Variants in NAV2 observed in about 807,000 individuals in gnomAD.
The protein encoded by NAV2 is neuron navigator 2.
Under a neutral mutation model 223.2 loss-of-function variants are expected in NAV2, and 54 were observed. The ratio of observed to expected loss-of-function variants is 0.24; its 90% CI spans 0.19 to 0.30. The LOEUF is 0.30. NAV2 is among the 10% of genes least tolerant of loss of function. NAV2 has a pLI of 1.00. For synonymous variants in NAV2, 1,279 were observed against 1,239.3 expected (o/e 1.03, Z -0.67); for missense variants, 2,806 against 3,147.5 (o/e 0.89, Z 2.60).
rs559313250 is a variant in NAV2 at position 19,475,115 on chromosome 11, C to T, written c.75+124088C>T. On this transcript the variant is annotated intron_variant, in intron 1 of 37. Transcript: ENST00000360655. ...GGTCTCTCCACTCCCTGGTCACAGC[C>T]TGCATCTGGGGAAAGCCGGAAGGCT... 3.9e-5 allele frequency among the ~76,000 whole-genome samples: 6 copies of T among 152,368 alleles called. No homozygotes were observed. In the East Asian group the frequency reaches 9.6e-4, roughly 24 times the overall value.
chr11:19,688,807 A>G (rs2049090701), intron 1 of NAV2, among the ~76,000 whole-genome samples: 1 of 152,306 alleles, frequency 6.6e-6, no homozygotes, highest in Middle Eastern at 3.4e-3. Flanking sequence ...AAGTGGGACT[A>G]TGAGTATAGG....
chr11:19,429,568 G>A (rs913335850), intron 1 of NAV2, among the ~76,000 whole-genome samples: 2 of 152,224 alleles, frequency 1.3e-5, no homozygotes, highest in African/African-American at 4.8e-5. Flanking sequence ...CATCTCTGCT[G>A]TTCTTCAAGT....
intron 37 of NAV2, among the ~76,000 whole-genome samples, chr11:20,117,831 C>T (rs909753051): frequency 3.3e-5 from 5 of 152,182 alleles, no homozygotes; most frequent in Non-Finnish European, 7.3e-5. Context: ...CAGTGCTCTA[C>T]GTATATTAAC....
chr11:19,713,562 T>C lies in NAV2; in HGVS notation c.-134T>C, dbSNP rs2050017111. ...TTCGAGTTCCCCGACCTGGGGATTT[T>C]TTTTTTAGCCGCTGGTGGTGGGCGC... is the stretch of plus-strand genomic sequence containing the variant. On this transcript the variant is annotated 5_prime_UTR_variant, in exon 1 of 38. Coordinates refer to ENST00000349880, the MANE Select transcript of NAV2 (RefSeq NM_145117.5). The surrounding 1 kb of genome is among the most constrained non-coding windows in gnomAD (Gnocchi z 7.2). 7.1e-7 allele frequency: 1 copy of C among 1,403,236 alleles called. No individual in the cohort carries two copies. The allele number at this position is 1,403,236 out of a possible 1,614,324, so 86.9% of individuals were successfully genotyped here. A position where few individuals can be genotyped will look rare whatever the true frequency, so the allele number is the denominator to read the frequency against.
intron 14 of NAV2, among the ~76,000 whole-genome samples, chr11:20,048,138 A>G (rs2057635657): frequency 6.6e-6 from 1 of 152,206 alleles, no homozygotes; most frequent in Non-Finnish European, 1.5e-5. Flanking sequence ...GTCACTGGAT[A>G]AGTAAGCTCT....
intron 1 of NAV2, among the ~76,000 whole-genome samples, chr11:19,622,258 GAT>G (rs1290526490): frequency 2.6e-5 from 4 of 152,216 alleles, no homozygotes; most frequent in Non-Finnish European, 5.9e-5. Flanking sequence ...GAGTTCTGTA[GAT>G]GTCTATTAGG....
chr11:19,576,736 C>T (rs1257424902), intron 1 of NAV2, among the ~76,000 whole-genome samples: 2 of 152,190 alleles, frequency 1.3e-5, no homozygotes, highest in African/African-American at 2.4e-5. Flanking sequence ...TAACATATAT[C>T]TGTTTCCCTC....
chr11:19,449,177 T>C (rs1398684820), intron 1 of NAV2, among the ~76,000 whole-genome samples: 1 of 152,028 alleles, frequency 6.6e-6, no homozygotes, highest in African/African-American at 2.4e-5. Flanking sequence ...TTGGGGAGCA[T>C]GACCCAGCTG....
chr11:19,390,129 G>A (rs1018714080), intron 1 of NAV2, among the ~76,000 whole-genome samples: 4 of 152,206 alleles, frequency 2.6e-5, no homozygotes, highest in African/African-American at 7.2e-5. Flanking sequence ...CTGGGGCGCA[G>A]TGTCCATTCC....
chr11:19,564,050 G>A (rs1043894623), intron 1 of NAV2, among the ~76,000 whole-genome samples: 1 of 152,168 alleles, frequency 6.6e-6, no homozygotes, highest in Non-Finnish European at 1.5e-5. Flanking sequence ...TCACATGGAG[G>A]CCAGCTGCAG....
chr11:19,929,589 T>C (rs1324678118), intron 6 of NAV2, among the ~76,000 whole-genome samples: 1 of 152,194 alleles, frequency 6.6e-6, no homozygotes, highest in African/African-American at 2.4e-5. Context: ...CATGACTTAA[T>C]AACCAGGGGA....
chr11:19,789,471 G>A (rs1439419441), intron 1 of NAV2, among the ~76,000 whole-genome samples: 3 of 152,146 alleles, frequency 2.0e-5, no homozygotes, highest in African/African-American at 7.2e-5. Context: ...GTTATTGTTA[G>A]CTTATAGAAG....
intron 31 of NAV2, among the ~76,000 whole-genome samples, chr11:20,100,655 C>G (rs1407578168): frequency 2.0e-5 from 3 of 151,394 alleles, no homozygotes; most frequent in East Asian, 3.9e-4. Flanking sequence ...CTGCAGAGGA[C>G]AGATAGGGAC....
intron 28 of NAV2, among the ~76,000 whole-genome samples, chr11:20,092,683 T>G (rs759803155): frequency 6.6e-6 from 1 of 152,144 alleles, no homozygotes; most frequent in South Asian, 2.1e-4. Context: ...ACAAACCCCA[T>G]AGTAGCAGGT....
At chr11:19,490,392 A>G (rs1292878522) in intron 1 of NAV2, among the ~76,000 whole-genome samples, 2 of 152,172 alleles carry the variant, frequency 1.3e-5, no homozygotes, top group African/African-American at 4.8e-5. Flanking sequence ...GTTCTCTCAA[A>G]CCCTGCTGCT....
At chr11:19,749,574 A>G (rs996351037) in intron 1 of NAV2, among the ~76,000 whole-genome samples, 12 of 152,176 alleles carry the variant, frequency 7.9e-5, no homozygotes, top group Admixed American at 5.9e-4. Flanking sequence ...TCCTTATGGG[A>G]ACAATATCTG....
In NAV2 at chr11:19,429,392, A is replaced by G. The variant is rs541687217; in HGVS notation, c.75+78365A>G. On this transcript the variant is annotated intron_variant, in intron 1 of 37. Coordinates refer to the NAV2 transcript ENST00000360655. ...TATTACGGGAGTGTCCATACACTTC[A>G]TAGAAGAAAAAAGACTGGCCTGGGG... is the stretch of plus-strand genomic sequence containing the variant. Among the ~76,000 whole-genome samples, 544 of 152,350 alleles carry G rather than the reference A, an allele frequency of 3.6e-3. 3 individuals are homozygous for G. The highest frequency in any genetic ancestry group is 0.013 in the African/African-American group (532 of 41,590).
At chr11:19,473,733 T>C (rs911022150) in intron 1 of NAV2, among the ~76,000 whole-genome samples, 1 of 151,998 alleles carries the variant, frequency 6.6e-6, no homozygotes, top group African/African-American at 2.4e-5. Context: ...TAAGGACTGA[T>C]AGGCCTATCC....
At chr11:19,640,170 C>T (rs1415312106) in intron 1 of NAV2, among the ~76,000 whole-genome samples, 1 of 152,128 alleles carries the variant, frequency 6.6e-6, no homozygotes, top group Non-Finnish European at 1.5e-5. Context: ...TAACAAATTC[C>T]ATTTCCTAAC....
Sources: allele counts gnomAD v4.1 joint callset (sites outside exome capture counted in the v4.1 genomes callset), GRCh38; gene constraint gnomAD v4.1.1; non-coding constraint Gnocchi (gnomAD v3.1); transcripts MANE v1.5; gene names NCBI Gene and HGNC (gene_info 2026-07-23, HGNC 2026-07-21).